VIRMA: variants seen among roughly 807,000 people sequenced by gnomAD.
VIRMA encodes vir like m6A methyltransferase associated, also known as protein virilizer homolog.
Under a neutral mutation model 182.4 loss-of-function variants are expected in VIRMA, and 65 were observed. The ratio of observed to expected loss-of-function variants is 0.36; its 90% confidence interval spans 0.29 to 0.44. The LOEUF (loss-of-function observed/expected upper bound fraction) is 0.44. VIRMA is among the 20% of genes least tolerant of loss of function. VIRMA has a pLI of 1.00. For synonymous variants in VIRMA, 709 were observed against 743.1 expected (o/e 0.95, Z 0.75); for missense variants, 1,752 against 2,158.1 (o/e 0.81, Z 3.73).
intron 5 of VIRMA, among the ~76,000 whole-genome samples, chr8:94,532,354 G>A (rs1037959855): frequency 1.6e-4 from 25 of 152,144 alleles, no homozygotes; most frequent in Non-Finnish European, 5.9e-5. Flanking sequence ...TGATCTGCCC[G>A]CCTCGGCCTC....
Position 94,511,170 on chromosome 8 carries a change from A to C in VIRMA, c.3390+15T>G. 2 of 1,609,098 alleles carry C rather than the reference A, an allele frequency of 1.2e-6. No homozygotes were observed. Among genetic ancestry groups the C allele is most frequent in the Non-Finnish European group, 1.7e-6 (2 of 1,178,904 alleles). On this transcript the variant is annotated intron_variant, in intron 13 of 23. Transcript: ENST00000297591. ...TGCAGTCATTTATAAGATGCATGTT[A>C]TATGGAAGTGATACCTGAGTTGTTT...
intron 23 of VIRMA, among the ~76,000 whole-genome samples, chr8:94,489,148 T>A (rs1355781884): frequency 1.3e-5 from 2 of 151,256 alleles, no homozygotes; most frequent in South Asian, 2.1e-4. Context: ...ATAAATGTTT[T>A]AAAAAAAAAG....
intron 10 of VIRMA, among the ~76,000 whole-genome samples, chr8:94,516,528 T>C (rs1814566188): frequency 6.6e-6 from 1 of 152,256 alleles, no homozygotes; most frequent in Non-Finnish European, 1.5e-5. Context: ...ATATAGGAAA[T>C]AGAAAATAGT....
At chr8:94,495,242 T>C (rs1299471350) in intron 19 of VIRMA, among the ~76,000 whole-genome samples, 3 of 152,146 alleles carry the variant, frequency 2.0e-5, no homozygotes, top group African/African-American at 7.2e-5. Flanking sequence ...GAGCTCAAGC[T>C]ATCTTCCTGC....
At chr8:94,550,316 G>A (rs186243157) in intron 1 of VIRMA, among the ~76,000 whole-genome samples, 29 of 148,576 alleles carry the variant, frequency 2.0e-4, no homozygotes, top group East Asian at 4.0e-4. Context: ...TTTTTGAGAC[G>A]GAGTCTCGCT....
chr8:94,515,281 G>A lies in VIRMA; in HGVS notation c.2669-330C>T, dbSNP rs185603676. On this transcript the variant is annotated intron_variant, in intron 10 of 23. Transcript: ENST00000297591. ...CTGGCCGATTTTTGTATTTTTAGCA[G>A]AGACGGGGTTTCACCACGTTGGCCA... Among the ~76,000 whole-genome samples, 18 of 152,098 alleles carry A rather than the reference G, an allele frequency of 1.2e-4. No individual in the cohort carries two copies. In the East Asian group the frequency reaches 3.1e-3, roughly 26 times the overall value.
At chr8:94,542,970 G>A (rs1218835274) in intron 2 of VIRMA, among the ~76,000 whole-genome samples, 2 of 151,884 alleles carry the variant, frequency 1.3e-5, no homozygotes, top group African/African-American at 4.8e-5. Context: ...GTGCAATGAC[G>A]CAATCTCAGC....
At chr8:94,498,443 C>A (rs1813863004) in intron 17 of VIRMA, 1 of 152,210 alleles carries the variant, frequency 6.6e-6, no homozygotes. Flanking sequence ...CTTCATTATT[C>A]TGAGTTGCCC....
At chr8:94,527,982 C>T (rs1364489124) in intron 7 of VIRMA, among the ~76,000 whole-genome samples, 4 of 152,038 alleles carry the variant, frequency 2.6e-5, no homozygotes, top group Non-Finnish European at 5.9e-5. Context: ...CCTGTAATCC[C>T]AGCACTTTGG....
At chr8:94,516,337 T>C (rs1224267956) in intron 10 of VIRMA, among the ~76,000 whole-genome samples, 1 of 152,170 alleles carries the variant, frequency 6.6e-6, no homozygotes, top group Non-Finnish European at 1.5e-5. Flanking sequence ...AAAATTACTA[T>C]CACCCCAAAA....
At chr8:94,503,643 AG>A (rs1814064081) in intron 16 of VIRMA, among the ~76,000 whole-genome samples, 1 of 152,216 alleles carries the variant, frequency 6.6e-6, no homozygotes, top group African/African-American at 2.4e-5. Context: ...GTTAGTTAAT[AG>A]TAGTATGACA....
Position 94,529,172 on chromosome 8 carries a change from C to G in VIRMA, c.778G>C (p.Glu260Gln). The change falls in exon 7 of 24, where the codon GAA becomes CAA. Residue 260 changes from glutamate (E) to glutamine (Q), a missense_variant. This residue lies in a region of VIRMA where 114 missense variants were observed against 106.9 expected (regional missense o/e 1.07). Transcript: ENST00000297591. ...EDEDDVDVEE[E>Q]EDEDEDDRRT... Reference sequence around the variant, plus strand: ...CGATCATCCTCATCCTCATCCTCTTCTTCCTCTACATCCACATCATCTTCA... The same window carrying G: ...CGATCATCCTCATCCTCATCCTCTTGTTCCTCTACATCCACATCATCTTCA... 1 of 1,423,656 alleles carries G rather than the reference C, an allele frequency of 7.0e-7. No individual in the cohort carries two copies. Among genetic ancestry groups the G allele is most frequent in the Non-Finnish European group, 9.9e-7 (1 of 1,006,908 alleles). 88.2% of individuals were successfully genotyped at this position (1,423,656 alleles called of 1,614,324 possible).
chr8:94,532,934 C>T (rs1007197705), intron 5 of VIRMA, among the ~76,000 whole-genome samples: 1 of 151,908 alleles, frequency 6.6e-6, no homozygotes, highest in Non-Finnish European at 1.5e-5. Flanking sequence ...GCACTCCAGC[C>T]TGGGTGACGT....
chr8:94,526,519 C>T lies in VIRMA; in HGVS notation c.1725G>A (p.Glu575=). 6.2e-7 allele frequency: 1 copy of T among 1,612,904 alleles called. No individual in the cohort carries two copies. The highest frequency in any genetic ancestry group is 8.5e-7 in the Non-Finnish European group (1 of 1,179,744). The change falls in exon 8 of 24, where the codon GAG becomes GAA. Residue 575 remains glutamate, a synonymous_variant. Transcript: ENST00000297591. ...TGTGGTTAGGAAGAGATGAAGTCTT[C>T]TCTGCTAAATGGTCACCAAGTCTTT... ...EIKRLGDHLA[E]KTSSLPNHSE...
chr8:94,496,056 C>T, intron 18 of VIRMA, 165 bp from the exon 19 acceptor site: 1 of 653,628 alleles, frequency 1.5e-6, no homozygotes, highest in Admixed American at 3.4e-5. Flanking sequence ...AACACCAAAA[C>T]ACTTGTCATT....
At chr8:94,507,567 C>A (rs1275234276) in intron 15 of VIRMA, among the ~76,000 whole-genome samples, 1 of 151,902 alleles carries the variant, frequency 6.6e-6, no homozygotes, top group East Asian at 1.9e-4. Context: ...CGAGCCTGGC[C>A]AACATGGTGA....
At position 94,511,205 on chromosome 8, in the gene VIRMA, A is replaced by G. The variant is rs1814361369; in HGVS notation, c.3370T>C (p.Leu1124=). ...ILLSELLPLP[L]PMQTTQVIEP... ...GATACCTGAGTTGTTTGCATGGGCA[A>G]TGGAAGAGGCAGCAGCTCTGAAAGG... The change falls in exon 13 of 24, where the codon TTG becomes CTG. Residue 1124 remains leucine, a synonymous_variant. Coordinates refer to ENST00000297591, the MANE Select transcript of VIRMA (RefSeq NM_015496.5). The G allele has an allele frequency of 6.2e-7, 1 of 1,614,038 alleles. No homozygotes were observed. Among genetic ancestry groups the G allele is most frequent in the Middle Eastern group, 1.6e-4 (1 of 6,062 alleles).
chr8:94,550,929 G>C (rs1815963538), intron 1 of VIRMA, among the ~76,000 whole-genome samples: 1 of 151,916 alleles, frequency 6.6e-6, no homozygotes, highest in Non-Finnish European at 1.5e-5. Context: ...GTGTTACCCA[G>C]GCTGGTGTCG....
At chr8:94,533,616 T>TTTTTTC (rs1554558917) in intron 5 of VIRMA, 2 of 95,358 alleles carry the variant, frequency 2.1e-5, no homozygotes, top group Non-Finnish European at 2.6e-5. Context: ...AATTCTTTCT[T>TTTTTTC]TTTTTTTTTT....
Sources: gnomAD v4.1 joint callset for allele counts (sites outside exome capture counted in the v4.1 genomes callset) on GRCh38, gnomAD v4.1.1 for gene constraint, gnomAD v4.1.1 regional missense constraint, MANE v1.5 for transcripts, NCBI Gene and HGNC (gene_info 2026-07-23, HGNC 2026-07-21) for gene names.